GRB10: variants seen among roughly 807,000 people sequenced by gnomAD.
GRB10 encodes the protein growth factor receptor bound protein 10, also known as growth factor receptor-bound protein 10.
A neutral mutation model predicts 80.9 loss-of-function variants in GRB10; 20 were observed. That is an observed-to-expected ratio of 0.25 (90% CI 0.17 to 0.36). GRB10 has a LOEUF of 0.36. Among genes scored for constraint, GRB10 ranks in the 10% least tolerant of loss-of-function variants. The pLI is 1.00. For missense variants in GRB10, 548 were observed against 747.7 expected (o/e 0.73, Z 3.12); for synonymous variants, 291 against 291.5 (o/e 1.00, Z 0.02).
At chr7:50,765,020 C>G (rs903933393) in intron 2 of GRB10, among the ~76,000 whole-genome samples, 56 of 152,112 alleles carry the variant, frequency 3.7e-4, no homozygotes, top group Admixed American at 1.0e-3. Flanking sequence ...AACATGTGAA[C>G]AGACATCTCT....
chr7:50,595,600 CTT>C (rs1491269235), intron 17 of GRB10, 70 bp from the exon 18 acceptor site: 6 of 708,266 alleles, frequency 8.5e-6, no homozygotes, highest in African/African-American at 2.6e-5. Context: ...CACACACTCT[CTT>C]ACACACACAC....
chr7:50,674,709 A>G (rs778778345), intron 5 of GRB10, 51 bp from the exon 6 acceptor site: 8 of 1,469,162 alleles, frequency 5.4e-6, no homozygotes, highest in Non-Finnish European at 7.6e-6. Context: ...ATGGAGAGCA[A>G]TCAAACCCAA....
intron 4 of GRB10, among the ~76,000 whole-genome samples, chr7:50,717,060 G>A (rs1380819349): frequency 6.6e-6 from 1 of 152,144 alleles, no homozygotes; most frequent in Non-Finnish European, 1.5e-5. Flanking sequence ...TTTTATTGTA[G>A]GCAAATTTGG....
rs1158547438 is a variant in GRB10, at chr7:50,590,240, C to CAT, written c.*2710_*2711dup. On this transcript the variant is annotated 3_prime_UTR_variant, in exon 19 of 19. Coordinates refer to ENST00000401949, the MANE Select transcript of GRB10 (RefSeq NM_001350814.2). ...TTTGTCTCTTCATTAATACCTTCTGCATTCCCTGAAAACGTTTATACACGC... is the reference window on the plus strand; with the variant it reads ...TTTGTCTCTTCATTAATACCTTCTGCATATTCCCTGAAAACGTTTATACACGC... The CAT allele has an allele frequency of 6.6e-6, 1 of 152,238 alleles. No individual in the cohort carries two copies. The highest frequency in any genetic ancestry group is 1.5e-5 in the Non-Finnish European group (1 of 68,050). 9.4% of individuals were successfully genotyped at this position (152,238 alleles called of 1,614,324 possible). A position where few individuals can be genotyped will look rare whatever the true frequency, so the allele number is the denominator to read the frequency against.
intron 7 of GRB10, among the ~76,000 whole-genome samples, chr7:50,658,142 C>A (rs1012200854): frequency 9.8e-5 from 15 of 152,294 alleles, no homozygotes; most frequent in African/African-American, 3.6e-4. Context: ...GCGCCTATTG[C>A]AGGAGAAAAG....
At chr7:50,686,053 G>T (rs978538967) in intron 5 of GRB10, among the ~76,000 whole-genome samples, 1 of 152,148 alleles carries the variant, frequency 6.6e-6, no homozygotes, top group African/African-American at 2.4e-5. Context: ...CAGTCTCCGG[G>T]GGTGGGCTCA....
chr7:50,755,761 T>A lies in GRB10; in HGVS notation c.-47+126A>T, dbSNP rs2074981391. The A allele has an allele frequency of 7.6e-6, 3 of 397,292 alleles. No homozygotes were observed. The South Asian group carries it at 4.2e-4, about 56-fold the overall frequency. The allele number at this position is 397,292 out of a possible 1,614,324, so 24.6% of individuals were successfully genotyped here. Reference sequence around the variant, plus strand: ...GAGACTCTCTTTGGGAACCTTGGAATAAAGGTTCTAGTATCAGGCCTCTAC... The same window carrying A: ...GAGACTCTCTTTGGGAACCTTGGAAAAAAGGTTCTAGTATCAGGCCTCTAC... On this transcript the variant is annotated intron_variant, in intron 3 of 18. Coordinates refer to ENST00000401949, the MANE Select transcript of GRB10 (RefSeq NM_001350814.2).
intron 5 of GRB10, among the ~76,000 whole-genome samples, chr7:50,694,189 T>C (rs1338256810): frequency 1.3e-5 from 2 of 152,186 alleles, no homozygotes; most frequent in Non-Finnish European, 2.9e-5. Flanking sequence ...CCAGGTGTCA[T>C]GGCACATGTC....
At chr7:50,731,884 G>A (rs1374360105) in intron 4 of GRB10, among the ~76,000 whole-genome samples, 13 of 152,216 alleles carry the variant, frequency 8.5e-5, no homozygotes, top group South Asian at 4.2e-4. Flanking sequence ...TGAATGTCCC[G>A]ACAACCACCA....
At chr7:50,778,183 A>C (rs530128939) in intron 2 of GRB10, among the ~76,000 whole-genome samples, 45 of 152,356 alleles carry the variant, frequency 3.0e-4, no homozygotes, top group African/African-American at 1.1e-3. Context: ...TCTTCCTCTT[A>C]AAGTGTCATA....
Position 50,592,835 on chromosome 7 carries a change from C to A in GRB10, c.*117G>T, listed in dbSNP as rs2045972330. On this transcript the variant is annotated 3_prime_UTR_variant, in exon 19 of 19. Transcript: ENST00000401949. ...CTTGGTCGGCTGGCACCGAACAAAC[C>A]CATCTCGCTCTGGGTCCCCAGGTGC... 2 of 1,190,088 alleles carry A rather than the reference C, an allele frequency of 1.7e-6. No homozygotes were observed. The highest frequency in any genetic ancestry group is 3.0e-5 in the African/African-American group (2 of 66,926). The allele number at this position is 1,190,088 out of a possible 1,614,324, so 73.7% of individuals were successfully genotyped here.
chr7:50,744,320 G>C (rs889392994), intron 3 of GRB10, among the ~76,000 whole-genome samples: 1 of 152,146 alleles, frequency 6.6e-6, no homozygotes. Context: ...AGAGATCAAA[G>C]CATCCTACCT....
intron 5 of GRB10, among the ~76,000 whole-genome samples, chr7:50,675,923 T>C (rs1366483458): frequency 1.3e-5 from 2 of 152,192 alleles, no homozygotes; most frequent in Non-Finnish European, 1.5e-5. Context: ...TGGTAAAACA[T>C]TCTTGCATCC....
chr7:50,746,296 T>A (rs2072885788), intron 3 of GRB10, among the ~76,000 whole-genome samples: 1 of 152,184 alleles, frequency 6.6e-6, no homozygotes. Flanking sequence ...CACAAAGCAT[T>A]ATTAGATCAA....
At chr7:50,733,870 C>A (rs1330861954) in intron 3 of GRB10, among the ~76,000 whole-genome samples, 1 of 152,164 alleles carries the variant, frequency 6.6e-6, no homozygotes, top group African/African-American at 2.4e-5. Flanking sequence ...TGACCCTTAA[C>A]AGAGGCATTA....
intron 4 of GRB10, 114 bp downstream of exon 4, chr7:50,732,158 G>A (rs988138678): frequency 7.7e-5 from 80 of 1,044,620 alleles, no homozygotes; most frequent in Admixed American, 1.0e-4. Flanking sequence ...CTGCTCCAGC[G>A]TGTCCTAGTG....
chr7:50,605,506 G>A, intron 14 of GRB10, 100 bp from the exon 15 acceptor site: 1 of 990,598 alleles, frequency 1.0e-6, no homozygotes, highest in Non-Finnish European at 1.6e-6. Flanking sequence ...AGGGGAGCAG[G>A]GAATGCCTGC....
At chr7:50,702,079 G>A (rs1038487357) in intron 5 of GRB10, among the ~76,000 whole-genome samples, 1 of 152,208 alleles carries the variant, frequency 6.6e-6, no homozygotes, top group Admixed American at 6.5e-5. Flanking sequence ...AGTCGGGACA[G>A]TCTGGAGCTG....
chr7:50,689,895 T>C (rs2062589110), intron 5 of GRB10, among the ~76,000 whole-genome samples: 2 of 151,586 alleles, frequency 1.3e-5, no homozygotes, highest in African/African-American at 4.8e-5. Context: ...GAGTTTAAAA[T>C]TGTATAAGAA....
Sources: gnomAD v4.1 joint callset for allele counts (sites outside exome capture counted in the v4.1 genomes callset) on GRCh38, gnomAD v4.1.1 for gene constraint, MANE v1.5 for transcripts, NCBI Gene and HGNC (gene_info 2026-07-23, HGNC 2026-07-21) for gene names.